PHACTR3: variants seen among roughly 807,000 people sequenced by gnomAD.
PHACTR3 encodes protein phosphatase 1, regulatory subunit 123.
A neutral mutation model predicts 66.8 loss-of-function variants in PHACTR3; 16 were observed. The observed-to-expected ratio is 0.24, with a 90% CI of 0.16 to 0.36. PHACTR3 has a LOEUF of 0.36. PHACTR3 is among the 10% of genes least tolerant of loss of function. PHACTR3 has a pLI of 1.00. For synonymous variants in PHACTR3, 323 were observed against 292.1 expected, an observed-to-expected ratio of 1.11 and a Z score of -1.08; for missense variants, 647 against 719.9, an observed-to-expected ratio of 0.90 and a Z score of 1.16.
intron 1 of PHACTR3, chr20:59,676,521 G>C (rs1300917243): frequency 6.5e-6 from 1 of 153,148 alleles, no homozygotes; most frequent in Non-Finnish European, 1.4e-5. Flanking sequence ...AGATAATAAT[G>C]GTGTTCAGCC....
chr20:59,808,930 T>TA (rs991706610), intron 8 of PHACTR3, among the ~76,000 whole-genome samples: 3 of 152,030 alleles, frequency 2.0e-5, no homozygotes, highest in African/African-American at 4.8e-5. Context: ...CACTAGATAC[T>TA]AGTAGTACAC....
At chr20:59,594,615 T>C (rs1427322806) in intron 1 of PHACTR3, among the ~76,000 whole-genome samples, 1 of 152,206 alleles carries the variant, frequency 6.6e-6, no homozygotes, top group Non-Finnish European at 1.5e-5. Context: ...TTAATGTTCA[T>C]GGGATCTGCA....
chr20:59,802,467 G>A (rs767992781), intron 7 of PHACTR3, among the ~76,000 whole-genome samples: 1 of 152,194 alleles, frequency 6.6e-6, no homozygotes, highest in Non-Finnish European at 1.5e-5. Flanking sequence ...AGAAGGGAGT[G>A]ACCGATGGTG....
intron 3 of PHACTR3, among the ~76,000 whole-genome samples, chr20:59,748,778 G>A (rs935833670): frequency 7.9e-5 from 12 of 152,116 alleles, no homozygotes; most frequent in African/African-American, 2.9e-4. Flanking sequence ...AGTTTCCTGA[G>A]GCTTGCATGG....
intron 1 of PHACTR3, among the ~76,000 whole-genome samples, chr20:59,682,042 A>C (rs942845535): frequency 9.2e-5 from 14 of 151,718 alleles, no homozygotes; most frequent in Admixed American, 6.6e-4. Context: ...GAAAGAAAAA[A>C]ATAATCAGGC....
intron 1 of PHACTR3, among the ~76,000 whole-genome samples, chr20:59,733,209 T>C (rs1281162014): frequency 1.3e-5 from 2 of 152,096 alleles, no homozygotes; most frequent in Non-Finnish European, 2.9e-5. Flanking sequence ...ATGACCCTTG[T>C]TTTGTTTTTA....
At chr20:59,641,949 C>G (rs1414330980) in intron 1 of PHACTR3, among the ~76,000 whole-genome samples, 1 of 152,182 alleles carries the variant, frequency 6.6e-6, no homozygotes, top group Non-Finnish European at 1.5e-5. Flanking sequence ...CACGGAGGAA[C>G]CTCTCACAAA....
chr20:59,798,449 T>G (rs916370856), intron 7 of PHACTR3, among the ~76,000 whole-genome samples: 1 of 152,250 alleles, frequency 6.6e-6, no homozygotes, highest in Non-Finnish European at 1.5e-5. Context: ...ATTCTCTAAA[T>G]GTTTTGTAGA....
At chr20:59,744,781 G>C (rs1463108269) in intron 2 of PHACTR3, among the ~76,000 whole-genome samples, 1 of 152,252 alleles carries the variant, frequency 6.6e-6, no homozygotes, top group Admixed American at 6.5e-5. Context: ...TGTGTGCCCA[G>C]TACCAACAGG....
intron 8 of PHACTR3, among the ~76,000 whole-genome samples, chr20:59,812,991 G>C (rs2041782396): frequency 6.6e-6 from 1 of 152,206 alleles, no homozygotes; most frequent in African/African-American, 2.4e-5. Flanking sequence ...TGCTGCCTGA[G>C]GCCAAGCATC....
intron 11 of PHACTR3, among the ~76,000 whole-genome samples, chr20:59,842,149 T>G (rs1259137084): frequency 1.3e-5 from 2 of 152,204 alleles, no homozygotes; most frequent in Non-Finnish European, 1.5e-5. Flanking sequence ...ATAGAGTCTC[T>G]GCATGACATT....
intron 1 of PHACTR3, among the ~76,000 whole-genome samples, chr20:59,690,227 C>A (rs1011724526): frequency 6.6e-6 from 1 of 152,176 alleles, no homozygotes; most frequent in African/African-American, 2.4e-5. Flanking sequence ...AACTCTAACC[C>A]ACACCACCGC....
intron 1 of PHACTR3, among the ~76,000 whole-genome samples, chr20:59,666,551 A>T (rs1479738610): frequency 1.3e-5 from 2 of 152,056 alleles, no homozygotes; most frequent in Non-Finnish European, 2.9e-5. Context: ...AGAGAGAGAG[A>T]GACAAAGAGA....
Position 59,604,759 on chromosome 20 carries a change from A to G in PHACTR3, c.-256A>G, listed in dbSNP as rs2033596844. On this transcript the variant is annotated 5_prime_UTR_variant, in exon 1 of 13. The change creates a new upstream start codon in the 5' untranslated region. Coordinates refer to ENST00000371015, the MANE Select transcript of PHACTR3 (RefSeq NM_080672.5). ...CTGAAGAATGGGAATAAACACGAAT[A>G]AATAACAAAGCGAGGCCGCGCACGC... 4 of 1,154,380 alleles carry G rather than the reference A, an allele frequency of 3.5e-6. No homozygotes were observed. The highest frequency in any genetic ancestry group is 3.2e-6 in the Non-Finnish European group (3 of 941,594). 71.5% of individuals were successfully genotyped at this position (1,154,380 alleles called of 1,614,324 possible).
intron 1 of PHACTR3, among the ~76,000 whole-genome samples, chr20:59,674,477 C>CTT (rs2036324786): frequency 6.3e-4 from 66 of 105,392 alleles, no homozygotes; most frequent in East Asian, 2.2e-3. Flanking sequence ...TCTCCTGTTC[C>CTT]CCCTTGTTCT....
rs946908213 is a variant in PHACTR3 at position 59,604,846 on chromosome 20, C to A, written c.-169C>A. On this transcript the variant is annotated 5_prime_UTR_variant, in exon 1 of 13. Coordinates refer to ENST00000371015, the MANE Select transcript of PHACTR3 (RefSeq NM_080672.5). ...CTCCCCGCCCTGAAGCCAGCCCCGG[C>A]GTCTTTCTCCAGCTCGTTTCCTTTC... is the stretch of plus-strand genomic sequence containing the variant. 1.7e-5 allele frequency: 21 copies of A among 1,208,236 alleles called. No homozygotes were observed. Among genetic ancestry groups the A allele is most frequent in the Admixed American group, 1.3e-4 (3 of 22,780 alleles). 74.8% of individuals were successfully genotyped at this position (1,208,236 alleles called of 1,614,324 possible).
intron 7 of PHACTR3, among the ~76,000 whole-genome samples, chr20:59,801,426 C>T (rs1174694280): frequency 6.6e-6 from 1 of 152,192 alleles, no homozygotes; most frequent in Non-Finnish European, 1.5e-5. Context: ...GTTTGTCCAC[C>T]TTGGTCAGAA....
chr20:59,622,692 C>G (rs1326141008), intron 1 of PHACTR3, among the ~76,000 whole-genome samples: 1 of 152,068 alleles, frequency 6.6e-6, no homozygotes, highest in Non-Finnish European at 1.5e-5. Context: ...CAGCTCCACA[C>G]TGGGAATGAG....
intron 8 of PHACTR3, among the ~76,000 whole-genome samples, chr20:59,834,765 A>G (rs2042478478): frequency 2.0e-5 from 3 of 151,966 alleles, no homozygotes; most frequent in Non-Finnish European, 2.9e-5. Context: ...CATATCCGCC[A>G]TTTCCTCCAC....
Sources: gnomAD v4.1 joint callset for allele counts (sites outside exome capture counted in the v4.1 genomes callset) on GRCh38, gnomAD v4.1.1 for gene constraint, MANE v1.5 for transcripts, NCBI Gene and HGNC (gene_info 2026-07-23, HGNC 2026-07-21) for gene names.